The following ARHGAP45 variants were observed in gnomAD, a reference collection of about 807,000 sequenced individuals.
ARHGAP45 encodes rho GTPase-activating protein 45.
In ARHGAP45, 56 loss-of-function variants were observed where a neutral mutation model predicts 116.1. The ratio of observed to expected loss-of-function variants is 0.48; its 90% confidence interval spans 0.39 to 0.60. The LOEUF is 0.60. ARHGAP45 is among the 20% of genes least tolerant of loss of function. The probability of loss-of-function intolerance (pLI) is 0.00; values close to 1 mark genes in which losing one functional copy is unlikely to be tolerated. For missense variants in ARHGAP45, 1,622 were observed against 1,601.0 expected (o/e 1.01, Z -0.22); for synonymous variants, 866 against 701.7 (o/e 1.23, Z -3.70).
intron 11 of ARHGAP45, among the ~76,000 whole-genome samples, chr19:1,078,563 C>T (rs2043334365): frequency 6.6e-6 from 1 of 151,506 alleles, no homozygotes; most frequent in Non-Finnish European, 1.5e-5. Context: ...ACCCTGCCAC[C>T]AAGCCCAGCT....
rs1599772320 is a variant in ARHGAP45, at chr19:1,082,929, G to A, written c.2607G>A (p.Ala869=). The A allele has an allele frequency of 6.3e-7, 1 of 1,587,398 alleles. No homozygotes were observed. The change falls in exon 20 of 23, where the codon GCG becomes GCA. Residue 869 remains alanine (A), a synonymous_variant. Coordinates refer to ENST00000313093, the MANE Select transcript of ARHGAP45 (RefSeq NM_012292.5). ...DSLKAEAEAK[A]ASRGRQDGSE... is the part of the protein sequence containing the mutation. ...TGAAGGCAGAGGCCGAGGCCAAGGC[G>A]GCGTCCCGGGGCCGGCAGGACGGCT...
In ARHGAP45 at chr19:1,079,793, C is replaced by T. The variant is rs1599765387; in HGVS notation, c.1465C>T (p.Arg489Trp). Residue 489 changes from arginine to tryptophan, a missense_variant, in exon 12 of 23, where the codon CGG becomes TGG. Arg to Trp is a moderately radical substitution (Grantham distance 101, BLOSUM62 -3). Around this residue, in one of 3 missense-constraint regions of ARHGAP45, gnomAD observed 1,334 missense variants for 1,263.8 expected, o/e 1.06. Transcript: ENST00000313093. Reference protein sequence around the residue: ...ELEDTKVTALRQIQEVIRQSD... With the variant: ...ELEDTKVTALWQIQEVIRQSD... ...GGAGGATACCAAGGTGACGGCGCTG[C>T]GGCAGATCCAGGAGGTCATCCGGCA... 3 of 1,610,936 alleles carry T rather than the reference C, an allele frequency of 1.9e-6. No individual in the cohort carries two copies. Among genetic ancestry groups the T allele is most frequent in the Non-Finnish European group, 2.5e-6 (3 of 1,178,360 alleles).
In ARHGAP45 at chr19:1,086,014, TG is replaced by T. The variant is rs1347148892; in HGVS notation, c.*12del. ...CAGCCGGAATTCGTGTGAGCTGGGGTGGGGCTGGGACCACAGGTGGCTTCTC... is the reference window on the plus strand; with the variant it reads ...CAGCCGGAATTCGTGTGAGCTGGGGTGGGCTGGGACCACAGGTGGCTTCTC... On this transcript the variant is annotated 3_prime_UTR_variant, in exon 23 of 23. Transcript: ENST00000313093. 14 of 1,607,376 alleles carry T rather than the reference TG, an allele frequency of 8.7e-6. No homozygotes were observed. Among genetic ancestry groups the T allele is most frequent in the African/African-American group, 1.3e-5 (1 of 74,746 alleles).
chr19:1,074,013 C>T lies in ARHGAP45; in HGVS notation c.789C>T (p.Ala263=), dbSNP rs559797459. 7 of 1,596,270 alleles carry T rather than the reference C, an allele frequency of 4.4e-6. No individual in the cohort carries two copies. In the South Asian group the frequency reaches 5.6e-5, roughly 13 times the overall value. The change falls in exon 6 of 23, where the codon GCC becomes GCT. Residue 263 remains alanine, a splice_region_variant and synonymous_variant. Coordinates refer to ENST00000313093, the MANE Select transcript of ARHGAP45 (RefSeq NM_012292.5). ...CTCCCAGCCTGGAAGACTGTGACGCCGGTAAGCCCCCACCCAGCGGCAGGC... is the reference window on the plus strand; with the variant it reads ...CTCCCAGCCTGGAAGACTGTGACGCTGGTAAGCCCCCACCCAGCGGCAGGC... ...GTPPSLEDCD[A]GCLPAEEVDV...
rs368047236 is a variant in ARHGAP45, at chr19:1,078,063, C to G, written c.1374+18C>G. The G allele has an allele frequency of 1.5e-4, 236 of 1,542,122 alleles. No individual in the cohort carries two copies. The highest frequency in any genetic ancestry group is 1.9e-4 in the Non-Finnish European group (217 of 1,138,448). On this transcript the variant is annotated intron_variant, in intron 11 of 22. Transcript: ENST00000313093. ...AGAACAAGGTGAGGGCGGGTGGAGGCAGGGCTGGAGGTCCCTGGAGGAGGA... is the reference window on the plus strand; with the variant it reads ...AGAACAAGGTGAGGGCGGGTGGAGGGAGGGCTGGAGGTCCCTGGAGGAGGA...
In ARHGAP45 at chr19:1,082,915, G is replaced by A. The variant is rs1272581559; in HGVS notation, c.2593G>A (p.Ala865Thr). ...GGCCAAGGACAGCCTGAAGGCAGAG[G>A]CCGAGGCCAAGGCGGCGTCCCGGGG... ...GLAKDSLKAE[A>T]EAKAASRGRQ... Residue 865 changes from alanine (A) to threonine (T), a missense_variant, in exon 20 of 23, where the codon GCC becomes ACC. Coordinates refer to ENST00000313093, the MANE Select transcript of ARHGAP45 (RefSeq NM_012292.5). 3 of 1,595,814 alleles carry A rather than the reference G, an allele frequency of 1.9e-6. No homozygotes were observed. The highest frequency in any genetic ancestry group is 1.1e-5 in the South Asian group (1 of 88,782).
Position 1,068,167 on chromosome 19 carries a change from C to T in ARHGAP45, c.91-247C>T, listed in dbSNP as rs1472286641. Among the ~76,000 whole-genome samples the T allele has an allele frequency of 1.3e-5, 2 of 152,160 alleles. No individual in the cohort carries two copies. On this transcript the variant is annotated intron_variant, in intron 1 of 22. Coordinates refer to ENST00000313093, the MANE Select transcript of ARHGAP45 (RefSeq NM_012292.5). This position sits in a 1 kb window ranked among gnomAD's most constrained non-coding sequence, Gnocchi z 7.5. ...AGTGGGGACCCCCCTCCCGCGCCTCCCCGCAGGCCCCGCCCCGGCTGTGGT... is the reference window on the plus strand; with the variant it reads ...AGTGGGGACCCCCCTCCCGCGCCTCTCCGCAGGCCCCGCCCCGGCTGTGGT...
At position 1,080,511 on chromosome 19, in the gene ARHGAP45, G is replaced by T; in HGVS notation, c.1876G>T (p.Asp626Tyr). ...CAAGTCATGGCCGCTCTCGATCTCA[G>T]ACTCGGACAGTGGGCTGGACCCCGG... ...VHKSWPLSIS[D>Y]SDSGLDPGPG... is the part of the protein sequence containing the mutation. The change falls in exon 15 of 23, where the codon GAC (aspartate) becomes TAC (tyrosine). Residue 626 changes from aspartate to tyrosine, a missense_variant. Transcript: ENST00000313093. 1 of 1,612,954 alleles carries T rather than the reference G, an allele frequency of 6.2e-7. No individual in the cohort carries two copies. The highest frequency in any genetic ancestry group is 1.7e-5 in the Admixed American group (1 of 60,000).
At chr19:1,082,077 A>G in intron 19 of ARHGAP45, 116 bp downstream of exon 19, 1 of 239,708 alleles carries the variant, frequency 4.2e-6, no homozygotes, top group South Asian at 4.6e-5. Context: ...GACTGGCGCA[A>G]GCGGGGGCCT....
chr19:1,071,388 C>T lies in ARHGAP45; in HGVS notation c.422-1761C>T, dbSNP rs886086298. On this transcript the variant is annotated intron_variant, in intron 2 of 22. Transcript: ENST00000313093. The surrounding 1 kb of genome is among the most constrained non-coding windows in gnomAD (Gnocchi z 4.6). ...GGGGACAGGTGCCGGGCGCTGGGTC[C>T]CGCCGCGTCCGGGAGCACGTGGCGC... 6 of 1,197,264 alleles carry T rather than the reference C, an allele frequency of 5.0e-6. No homozygotes were observed. The highest frequency in any genetic ancestry group is 2.9e-5 in the South Asian group (1 of 35,060). The allele number at this position is 1,197,264 out of a possible 1,614,324, so 74.2% of individuals were successfully genotyped here.
chr19:1,080,068 G>A lies in ARHGAP45; in HGVS notation c.1653G>A (p.Gln551=), dbSNP rs1568473022. 1 of 1,612,644 alleles carries A rather than the reference G, an allele frequency of 6.2e-7. No homozygotes were observed. Among genetic ancestry groups the A allele is most frequent in the Admixed American group, 1.7e-5 (1 of 60,024 alleles). ...ASHVRQLQRD[Q]EPDVHYDFEP... is the part of the protein sequence containing the mutation. ...ACGTGCGCCAGCTGCAGCGGGACCA[G>A]GAGCCCGATGTGCACTACGACTTTG... is the stretch of plus-strand genomic sequence containing the variant. The change falls in exon 13 of 23, where the codon CAG becomes CAA. Residue 551 remains glutamine (Q), a synonymous_variant. Transcript: ENST00000313093.
chr19:1,083,127 C>G lies in ARHGAP45; in HGVS notation c.2745-16C>G. On this transcript the variant is annotated splice_polypyrimidine_tract_variant and intron_variant, in intron 20 of 22. Transcript: ENST00000313093. ...CCCGGGAGCCGCTCAGCACCTGGCC[C>G]CTGCCCACCCCGCAGGATCGTGGAG... is the stretch of plus-strand genomic sequence containing the variant. 6.3e-7 allele frequency: 1 copy of G among 1,597,292 alleles called. No individual in the cohort carries two copies. The highest frequency in any genetic ancestry group is 8.5e-7 in the Non-Finnish European group (1 of 1,174,940).
chr19:1,080,709 C>T lies in ARHGAP45; in HGVS notation c.1940C>T (p.Ser647Leu). 6.2e-7 allele frequency: 1 copy of T among 1,613,586 alleles called. No homozygotes were observed. Among genetic ancestry groups the T allele is most frequent in the African/African-American group, 1.3e-5 (1 of 75,066 alleles). The change falls in exon 16 of 23, where the codon TCA becomes TTA. Residue 647 changes from serine (S) to leucine (L), a missense_variant. This residue lies in a region of ARHGAP45 where 1,334 missense variants were observed against 1,263.8 expected (regional missense o/e 1.06). Coordinates refer to ENST00000313093, the MANE Select transcript of ARHGAP45 (RefSeq NM_012292.5). ...GACTTTAAGAAGTTCGAGCGGACGT[C>T]ATCCAGTGGTACCATGTCGTCCACG... Reference protein sequence around the residue: ...AGDFKKFERTSSSGTMSSTEE... With the variant: ...AGDFKKFERTLSSGTMSSTEE...
Position 1,067,491 on chromosome 19 carries a change from C to T in ARHGAP45, c.86C>T (p.Ser29Leu). The T allele has an allele frequency of 3.1e-6, 5 of 1,599,100 alleles. No homozygotes were observed. The highest frequency in any genetic ancestry group is 1.7e-5 in the Admixed American group (1 of 57,890). ...GCGGGAAGCCCCAGCCCGCAGCCCT[C>T]GGGGGTGAGTGGAGCCCGGGTGAGA... is the stretch of plus-strand genomic sequence containing the variant. ...NRAGSPSPQP[S>L]GELPRKDGAD... is the part of the protein sequence containing the mutation. Residue 29 changes from serine to leucine, a missense_variant, in exon 1 of 23, where the codon TCG becomes TTG. By Grantham distance (145) the Ser-to-Leu change is moderately radical. Around this residue, in one of 3 missense-constraint regions of ARHGAP45, gnomAD observed 279 missense variants for 311.9 expected, o/e 0.89. Transcript: ENST00000313093.
chr19:1,086,243 G>A lies in ARHGAP45; in HGVS notation c.*237G>A. On this transcript the variant is annotated 3_prime_UTR_variant, in exon 23 of 23. Coordinates refer to ENST00000313093, the MANE Select transcript of ARHGAP45 (RefSeq NM_012292.5). ...CCCTGCACCCCGGCTCAGCTGAGCT[G>A]GGGAACACTGCTGTCGTGTGAAGTC... The A allele has an allele frequency of 1.9e-6, 1 of 534,740 alleles. No homozygotes were observed. The highest frequency in any genetic ancestry group is 1.9e-5 in the African/African-American group (1 of 52,622). The allele number at this position is 534,740 out of a possible 1,614,324, so 33.1% of individuals were successfully genotyped here.
At chr19:1,074,054 G>A in intron 6 of ARHGAP45, 40 bp downstream of exon 6, 3 of 1,603,214 alleles carry the variant, frequency 1.9e-6, no homozygotes, top group South Asian at 1.1e-5. Context: ...TTTGAGGGGT[G>A]GGCCATTGCG....
At chr19:1,077,355 A>G in intron 10 of ARHGAP45, 9 of 995,632 alleles carry the variant, frequency 9.0e-6, no homozygotes, top group Non-Finnish European at 1.1e-5. Context: ...GTGTCCTGTT[A>G]CGGGTGCCTC....
At chr19:1,085,184 A>AGAGG (rs1245235644) in intron 22 of ARHGAP45, among the ~76,000 whole-genome samples, 1 of 152,166 alleles carries the variant, frequency 6.6e-6, no homozygotes. Flanking sequence ...CAGAAAGCAA[A>AGAGG]GAGGAGCAAG....
intron 17 of ARHGAP45, chr19:1,081,312 C>G (rs556105871): frequency 4.7e-6 from 3 of 639,044 alleles, no homozygotes; most frequent in African/African-American, 1.8e-5. Context: ...GGCCAGAAGA[C>G]CTGGAGGGCA....
Sources: allele counts gnomAD v4.1 joint callset (sites outside exome capture counted in the v4.1 genomes callset), GRCh38; gene constraint gnomAD v4.1.1; regional missense constraint gnomAD v4.1.1; non-coding constraint Gnocchi (gnomAD v3.1); transcripts MANE v1.5; gene names NCBI Gene and HGNC (gene_info 2026-07-23, HGNC 2026-07-21).